Variants in GPC3 observed in about 807,000 individuals in gnomAD.
GPC3 encodes glypican 3, also known as glypican-3.
GPC3 carries 3 observed loss-of-function variants against 34.4 expected under a neutral mutation model. That is an observed-to-expected ratio of 0.09 (90% CI 0.04 to 0.23). The LOEUF is 0.23. Ranked by LOEUF, GPC3 falls within the 10% of genes least tolerant of loss-of-function variation. The pLI is 1.00. For synonymous variants in GPC3, 177 were observed against 174.0 expected, an observed-to-expected ratio of 1.02 and a Z score of -0.13; for missense variants, 351 against 445.6, an observed-to-expected ratio of 0.79 and a Z score of 1.91.
At chrX:133,899,093 A>G (rs1476354211) in intron 2 of GPC3, among the ~76,000 whole-genome samples, 1 of 112,487 alleles carries the variant, frequency 8.9e-6, no homozygotes. Context: ...AAGTATTTGC[A>G]GATTGAGATC....
At chrX:133,747,434 A>G (rs2071622199) in intron 3 of GPC3, among the ~76,000 whole-genome samples, 1 of 111,984 alleles carries the variant, frequency 8.9e-6, no homozygotes, top group Non-Finnish European at 1.9e-5. Flanking sequence ...GAAATACTAG[A>G]GCAAAAGTCT....
intron 3 of GPC3, among the ~76,000 whole-genome samples, chrX:133,753,273 C>T (rs1463498123): frequency 9.0e-6 from 1 of 111,686 alleles, no homozygotes; most frequent in Non-Finnish European, 1.9e-5. Flanking sequence ...TTCCCAACAT[C>T]GCACAGTAAG....
chrX:133,792,426 T>A (rs938632653), intron 2 of GPC3, among the ~76,000 whole-genome samples: 2 of 111,704 alleles, frequency 1.8e-5, no homozygotes, highest in African/African-American at 6.5e-5. Context: ...GTGAAATGGA[T>A]AAGCCCCAAG....
intron 2 of GPC3, among the ~76,000 whole-genome samples, chrX:133,813,275 T>C (rs1436781699): frequency 2.7e-5 from 3 of 112,621 alleles, no homozygotes; most frequent in Non-Finnish European, 5.6e-5. Context: ...CATGCTTCTG[T>C]TAGGGCAAAG....
chrX:133,896,194 T>A (rs2076111948), intron 2 of GPC3, among the ~76,000 whole-genome samples: 2 of 110,902 alleles, frequency 1.8e-5, no homozygotes, highest in African/African-American at 6.6e-5. Context: ...AAACCCCGTC[T>A]ACTAAAAATA....
At chrX:133,704,633 GATGTTTCTTTCTTC>G (rs1463558381) in intron 3 of GPC3, among the ~76,000 whole-genome samples, 1 of 110,008 alleles carries the variant, frequency 9.1e-6, no homozygotes, top group Non-Finnish European at 1.9e-5. Flanking sequence ...TGGAGGTAAA[GATGTTTCTTTCTTC>G]TTGGTATAGG....
rs532077848 is a variant in GPC3 at position 133,796,928 on chromosome X, T to C, written c.338-42752A>G. Among the ~76,000 whole-genome samples the C allele has an allele frequency of 5.4e-5, 6 of 111,461 alleles. No homozygotes were observed. The East Asian group carries it at 1.4e-3, about 26-fold the overall frequency. ...CTAAGGAAGCTCCTAGGATACACAG[T>C]GCTCAGCATCAAGTCACCCCTCAAC... On this transcript the variant is annotated intron_variant, in intron 2 of 7. Transcript: ENST00000370818.
chrX:133,770,732 A>G (rs929550862), intron 2 of GPC3, among the ~76,000 whole-genome samples: 1 of 111,702 alleles, frequency 9.0e-6, no homozygotes, highest in Non-Finnish European at 1.9e-5. Context: ...ACCAAAACCT[A>G]TTATTTCAGA....
At chrX:133,769,885 C>T (rs1007786521) in intron 2 of GPC3, among the ~76,000 whole-genome samples, 8 of 112,198 alleles carry the variant, frequency 7.1e-5, no homozygotes, top group African/African-American at 2.6e-4. Flanking sequence ...ATGCCAGATA[C>T]CCTGCATGTA....
At chrX:133,855,549 A>ATATATATATATATATATATATATAT (rs1569445704) in intron 2 of GPC3, among the ~76,000 whole-genome samples, 56 of 105,859 alleles carry the variant, frequency 5.3e-4, no homozygotes, top group Non-Finnish European at 8.6e-4. Flanking sequence ...ATATATATAT[A>ATATATATATATATATATATATATAT]GTAAAATGGT....
chrX:133,904,524 C>A (rs1477306426), intron 2 of GPC3, among the ~76,000 whole-genome samples: 1 of 111,781 alleles, frequency 8.9e-6, no homozygotes, highest in Non-Finnish European at 1.9e-5. Flanking sequence ...TAGGACTTAG[C>A]TGTGAAGATG....
chrX:133,687,648 G>A lies in GPC3; in HGVS notation c.1292+4721C>T, dbSNP rs974653222. ...TCACTATATTGGCCAGGCTGGTCTC[G>A]AACTCCTGAACTTGTGATCTGCCTG... is the stretch of plus-strand genomic sequence containing the variant. On this transcript the variant is annotated intron_variant, in intron 5 of 7. Coordinates refer to ENST00000370818, the MANE Select transcript of GPC3 (RefSeq NM_004484.4). Among the ~76,000 whole-genome samples the A allele has an allele frequency of 7.3e-5, 8 of 109,833 alleles. No homozygotes were observed. The South Asian group carries it at 1.2e-3, about 16-fold the overall frequency.
At chrX:133,854,185 A>G (rs2075889364) in intron 2 of GPC3, among the ~76,000 whole-genome samples, 1 of 111,641 alleles carries the variant, frequency 9.0e-6, no homozygotes, top group Non-Finnish European at 1.9e-5. Context: ...TGGCTAGAAA[A>G]AGGATCCTTT....
At chrX:133,801,525 C>T (rs1358740184) in intron 2 of GPC3, among the ~76,000 whole-genome samples, 2 of 111,918 alleles carry the variant, frequency 1.8e-5, no homozygotes, top group Non-Finnish European at 3.8e-5. Flanking sequence ...AAAATCACCT[C>T]TTCCCCTTCC....
chrX:133,798,232 T>C (rs1027515381), intron 2 of GPC3, among the ~76,000 whole-genome samples: 2 of 111,992 alleles, frequency 1.8e-5, no homozygotes, highest in Non-Finnish European at 3.8e-5. Flanking sequence ...GTCAGGCAGA[T>C]GGTGTGATGA....
At chrX:133,758,130 C>T (rs776259554) in intron 2 of GPC3, among the ~76,000 whole-genome samples, 1 of 111,465 alleles carries the variant, frequency 9.0e-6, no homozygotes, top group African/African-American at 3.3e-5. Flanking sequence ...CCATTGTGGA[C>T]GACAGTGTGG....
Position 133,692,513 on chromosome X carries a change from A to T in GPC3, c.1167-19T>A. ...TAGTTCCCTAAAAGAAAAACAAAAC[A>T]TCTGTGCATAAGAGGCAAGTAAACT... On this transcript the variant is annotated intron_variant, in intron 4 of 7. Coordinates refer to ENST00000370818, the MANE Select transcript of GPC3 (RefSeq NM_004484.4). 1 of 1,192,768 alleles carries T rather than the reference A, an allele frequency of 8.4e-7. No homozygotes were observed. The highest frequency in any genetic ancestry group is 1.1e-6 in the Non-Finnish European group (1 of 878,366).
intron 3 of GPC3, among the ~76,000 whole-genome samples, chrX:133,743,350 TA>T (rs763394935): frequency 2.7e-5 from 3 of 112,927 alleles, no homozygotes; most frequent in Non-Finnish European, 5.6e-5. Flanking sequence ...GCAACTTCAT[TA>T]AAAAATGCTT....
intron 1 of GPC3, among the ~76,000 whole-genome samples, chrX:133,963,240 G>T (rs1356175730): frequency 5.4e-5 from 6 of 111,853 alleles, no homozygotes; most frequent in Non-Finnish European, 1.1e-4. Flanking sequence ...ATCTCCAGAA[G>T]CCAACTAATG....
Sources: allele counts gnomAD v4.1 joint callset (sites outside exome capture counted in the v4.1 genomes callset), GRCh38; gene constraint gnomAD v4.1.1; transcripts MANE v1.5; gene names NCBI Gene and HGNC (gene_info 2026-07-23, HGNC 2026-07-21).